Variants in GPC5 observed in about 807,000 individuals in gnomAD.
GPC5 encodes the protein glypican 5.
Under a neutral mutation model 53.9 loss-of-function variants are expected in GPC5, and 47 were observed. The observed-to-expected ratio is 0.87, with a 90% CI of 0.69 to 1.11. The LOEUF (loss-of-function observed/expected upper bound fraction) is 1.11. Among genes scored for constraint, GPC5 ranks in the 50% most tolerant of loss-of-function variants. The probability of loss-of-function intolerance (pLI) is 0.00; values close to 1 mark genes in which losing one functional copy is unlikely to be tolerated. For synonymous variants in GPC5, 286 were observed against 263.3 expected, an observed-to-expected ratio of 1.09 and a Z score of -0.84; for missense variants, 748 against 713.1, an observed-to-expected ratio of 1.05 and a Z score of -0.56.
At chr13:92,266,012 G>A (rs1410824386) in intron 7 of GPC5, among the ~76,000 whole-genome samples, 3 of 152,070 alleles carry the variant, frequency 2.0e-5, no homozygotes, top group Non-Finnish European at 2.9e-5. Context: ...ACCCACCCCC[G>A]TAATAACGAA....
intron 6 of GPC5, among the ~76,000 whole-genome samples, chr13:91,981,354 A>G (rs1040859585): frequency 6.7e-6 from 1 of 149,718 alleles, no homozygotes; most frequent in Admixed American, 6.7e-5. Context: ...CAGTGGCGCG[A>G]TCTCGGCTCA....
At chr13:92,347,176 C>T (rs1021527148) in intron 7 of GPC5, among the ~76,000 whole-genome samples, 1 of 152,130 alleles carries the variant, frequency 6.6e-6, no homozygotes, top group Non-Finnish European at 1.5e-5. Flanking sequence ...CAGATGCCAA[C>T]ATCCAGGTGT....
intron 7 of GPC5, among the ~76,000 whole-genome samples, chr13:92,443,231 T>A (rs181950075): frequency 2.0e-4 from 31 of 152,222 alleles, no homozygotes; most frequent in Non-Finnish European, 3.4e-4. Flanking sequence ...AGTGAGAAAA[T>A]ACTCATTACT....
At chr13:91,795,789 A>T (rs1408301690) in intron 5 of GPC5, among the ~76,000 whole-genome samples, 1 of 152,068 alleles carries the variant, frequency 6.6e-6, no homozygotes, top group African/African-American at 2.4e-5. Flanking sequence ...TTCCATGAGC[A>T]TTCCGGGCTT....
intron 2 of GPC5, among the ~76,000 whole-genome samples, chr13:91,671,780 C>CCAAAAAA (rs2035249718): frequency 4.2e-4 from 14 of 33,120 alleles, no homozygotes; most frequent in South Asian, 2.1e-3. Flanking sequence ...CAATCTGAAG[C>CCAAAAAA]AAAAAAAAAA....
intron 7 of GPC5, among the ~76,000 whole-genome samples, chr13:92,321,843 G>A (rs1190238380): frequency 6.6e-6 from 1 of 152,050 alleles, no homozygotes; most frequent in African/African-American, 2.4e-5. Flanking sequence ...GAGAAAATAT[G>A]TTGTATTGCT....
chr13:92,311,887 C>T (rs1038605743), intron 7 of GPC5, among the ~76,000 whole-genome samples: 1 of 151,932 alleles, frequency 6.6e-6, no homozygotes, highest in South Asian at 2.1e-4. Flanking sequence ...ATGAAAATGG[C>T]GTAAGGTGAG....
chr13:92,576,255 GCAGTGATCTGTTACTGC>G (rs913609671), intron 7 of GPC5, among the ~76,000 whole-genome samples: 1 of 152,158 alleles, frequency 6.6e-6, no homozygotes, highest in African/African-American at 2.4e-5. Context: ...CAAAAATCAT[GCAGTGATCTGTTACTGC>G]CAGTGAGGAA....
intron 2 of GPC5, among the ~76,000 whole-genome samples, chr13:91,607,668 T>TCTTAG (rs2033415513): frequency 1.3e-5 from 2 of 152,230 alleles, no homozygotes; most frequent in Admixed American, 1.3e-4. Context: ...CTTGTCTTAT[T>TCTTAG]CCAAGACGTT....
At chr13:91,419,372 G>A (rs1878449151) in intron 1 of GPC5, among the ~76,000 whole-genome samples, 1 of 152,070 alleles carries the variant, frequency 6.6e-6, no homozygotes, top group Non-Finnish European at 1.5e-5. Flanking sequence ...TATAAGGTTA[G>A]GACACAAAAT....
At chr13:92,129,397 T>C (rs1485109582) in intron 6 of GPC5, among the ~76,000 whole-genome samples, 2 of 152,200 alleles carry the variant, frequency 1.3e-5, no homozygotes, top group Admixed American at 6.5e-5. Context: ...TGGGAATACA[T>C]TCTAAAACTA....
intron 7 of GPC5, among the ~76,000 whole-genome samples, chr13:92,785,288 G>T (rs576588950): frequency 6.6e-5 from 10 of 152,018 alleles, no homozygotes; most frequent in African/African-American, 2.4e-4. Context: ...AAAATAATAA[G>T]AAGAAGGAGA....
intron 2 of GPC5, among the ~76,000 whole-genome samples, chr13:91,515,370 G>C (rs1413385157): frequency 6.6e-6 from 1 of 152,110 alleles, no homozygotes; most frequent in Non-Finnish European, 1.5e-5. Context: ...TATGGCAGGG[G>C]CTCAAAGAGA....
intron 7 of GPC5, among the ~76,000 whole-genome samples, chr13:92,657,654 G>A (rs1311145351): frequency 1.4e-5 from 2 of 148,106 alleles, no homozygotes; most frequent in Non-Finnish European, 3.0e-5. Context: ...AAGGTGTGAG[G>A]CAATTTTAAA....
At chr13:92,328,973 T>A (rs1460847354) in intron 7 of GPC5, among the ~76,000 whole-genome samples, 9 of 152,264 alleles carry the variant, frequency 5.9e-5, no homozygotes, top group Admixed American at 3.9e-4. Flanking sequence ...GCCATGCAAC[T>A]CCTGATTTGC....
intron 5 of GPC5, among the ~76,000 whole-genome samples, chr13:91,835,684 T>C: frequency 6.8e-6 from 1 of 146,866 alleles, no homozygotes; most frequent in Non-Finnish European, 1.5e-5. Flanking sequence ...AGTTGAACAA[T>C]GAGAACACAT....
intron 7 of GPC5, among the ~76,000 whole-genome samples, chr13:92,556,920 C>T (rs899600711): frequency 1.8e-4 from 28 of 151,616 alleles, no homozygotes; most frequent in Admixed American, 2.6e-4. Flanking sequence ...AAAAGTATTC[C>T]CCTATAAACA....
chr13:91,983,149 T>G (rs1262306243), intron 6 of GPC5, among the ~76,000 whole-genome samples: 2 of 151,798 alleles, frequency 1.3e-5, no homozygotes, highest in Non-Finnish European at 2.9e-5. Context: ...ATCGAGACCA[T>G]CCTGGCTAAC....
At chr13:92,004,470 A>T (rs1456296972) in intron 6 of GPC5, among the ~76,000 whole-genome samples, 1 of 130,956 alleles carries the variant, frequency 7.6e-6, no homozygotes, top group African/African-American at 3.1e-5. Flanking sequence ...ATATATATAT[A>T]TATATATATA....
Sources: gnomAD v4.1 joint callset for allele counts (sites outside exome capture counted in the v4.1 genomes callset) on GRCh38, gnomAD v4.1.1 for gene constraint, MANE v1.5 for transcripts, NCBI Gene and HGNC (gene_info 2026-07-23, HGNC 2026-07-21) for gene names.